The following ING5 variants were observed in gnomAD, a reference collection of about 807,000 sequenced individuals.
ING5 encodes the protein inhibitor of growth protein 5.
In ING5, 17 loss-of-function variants were observed where a neutral mutation model predicts 37.4. That is an observed-to-expected ratio of 0.45 (90% CI 0.31 to 0.68). The LOEUF is 0.68. ING5 is among the 30% of genes least tolerant of loss of function. The pLI, the probability that ING5 is intolerant of heterozygous loss-of-function variation, is 0.05. For missense variants in ING5, 233 were observed against 311.9 expected (o/e 0.75, Z 1.91); for synonymous variants, 123 against 116.6 (o/e 1.06, Z -0.36).
At chr2:241,724,545 T>G in intron 7 of ING5, 1 of 184,122 alleles carries the variant, frequency 5.4e-6, no homozygotes, top group Non-Finnish European at 1.1e-5. Flanking sequence ...TTGCTCAGAG[T>G]CACCAGGGAG....
upstream of ING5, among the ~76,000 whole-genome samples, chr2:241,700,059 T>C (rs79708335): frequency 9.3e-5 from 14 of 149,874 alleles, no homozygotes; most frequent in African/African-American, 3.0e-4. Context: ...CTCGGCTCAC[T>C]GCAACCTCCA....
chr2:241,718,725 G>C (rs1049141387), intron 5 of ING5, among the ~76,000 whole-genome samples: 4 of 152,072 alleles, frequency 2.6e-5, no homozygotes, highest in Admixed American at 6.5e-5. Context: ...CCCTAAGTTA[G>C]TTTTAATCTC....
chr2:241,697,622 C>T (rs2069649780), upstream of ING5, among the ~76,000 whole-genome samples: 2 of 152,014 alleles, frequency 1.3e-5, no homozygotes, highest in Admixed American at 6.6e-5. Context: ...ACATGACATT[C>T]TGGAAAAAGC....
intron 2 of ING5, among the ~76,000 whole-genome samples, chr2:241,695,043 T>TG (rs1364553677): frequency 6.8e-6 from 1 of 146,586 alleles, no homozygotes; most frequent in African/African-American, 2.6e-5. Context: ...GGTAAGACAA[T>TG]GTGGTATTCT....
intron 5 of ING5, chr2:241,720,650 C>T (rs989771675): frequency 1.7e-5 from 17 of 985,488 alleles, no homozygotes; most frequent in African/African-American, 1.7e-5. Flanking sequence ...GGGAAGCCAT[C>T]GGGGCCGGGC....
upstream of ING5, among the ~76,000 whole-genome samples, chr2:241,700,673 C>T (rs1223872357): frequency 6.6e-6 from 1 of 152,102 alleles, no homozygotes; most frequent in Non-Finnish European, 1.5e-5. Context: ...GTCACCCAAG[C>T]TGCAGTGCAG....
intron 5 of ING5, among the ~76,000 whole-genome samples, chr2:241,716,696 A>C (rs1039969825): frequency 4.6e-5 from 7 of 152,192 alleles, no homozygotes; most frequent in African/African-American, 1.7e-4. Context: ...GTGGCTCCAC[A>C]CAAGTGTTCT....
chr2:241,718,441 C>T (rs1285955639), intron 5 of ING5, among the ~76,000 whole-genome samples: 4 of 107,988 alleles, frequency 3.7e-5, no homozygotes, highest in Non-Finnish European at 7.1e-5. Context: ...TTTTTTGAGA[C>T]GGTCTTGCTT....
intron 5 of ING5, among the ~76,000 whole-genome samples, chr2:241,714,621 A>AGGGTCT (rs1427554894): frequency 1.5e-4 from 22 of 149,634 alleles, no homozygotes; most frequent in African/African-American, 5.4e-4. Flanking sequence ...CCCTGAGGGC[A>AGGGTCT]GGGTCTAGCT....
At chr2:241,700,668 C>T (rs567145996), upstream of ING5, among the ~76,000 whole-genome samples, 1 of 152,210 alleles carries the variant, frequency 6.6e-6, no homozygotes, top group African/African-American at 2.4e-5. Flanking sequence ...CTCTTGTCAC[C>T]CAAGCTGCAG....
chr2:241,719,379 C>T (rs1389308006), intron 5 of ING5: 2 of 686,770 alleles, frequency 2.9e-6, no homozygotes, highest in Admixed American at 2.1e-5. Flanking sequence ...CCAACACCCC[C>T]CACTCTGGCT....
rs1022802101 is a variant in ING5 at position 241,715,206 on chromosome 2, G to GT, written c.482+3141dup. On this transcript the variant is annotated intron_variant, in intron 5 of 7. Transcript: ENST00000313552. ...TAAAATATTTTAGAATGTTTTTCTT[G>GT]TTTTTTGAGATGAGGTCTCACTCTG... Among the ~76,000 whole-genome samples, 11 of 151,672 alleles carry GT rather than the reference G, an allele frequency of 7.3e-5. No homozygotes were observed. The Middle Eastern group carries it at 0.017, about 234-fold the overall frequency.
intron 5 of ING5, chr2:241,722,264 G>A (rs2070452475): frequency 2.0e-6 from 2 of 985,326 alleles, no homozygotes; most frequent in South Asian, 4.7e-5. Flanking sequence ...GAGGTGACGT[G>A]TGCTTGTTTC....
intron 5 of ING5, chr2:241,719,374 A>AC: frequency 1.6e-6 from 1 of 637,594 alleles, no homozygotes; most frequent in South Asian, 1.7e-5. Flanking sequence ...ACCCCCCAAC[A>AC]CCCCCCACTC....
chr2:241,706,127 A>C (rs907880649), intron 2 of ING5, among the ~76,000 whole-genome samples: 4 of 152,096 alleles, frequency 2.6e-5, no homozygotes, highest in African/African-American at 9.7e-5. Context: ...TTCTTTCCGC[A>C]GAGCCCTCTG....
intron 5 of ING5, chr2:241,719,689 G>C: frequency 1.3e-6 from 2 of 1,522,564 alleles, no homozygotes; most frequent in Non-Finnish European, 1.8e-6. Flanking sequence ...TGTTGGGGTC[G>C]GGGCTTCCTC....
chr2:241,696,187 C>T (rs147258913), intron 2 of ING5, among the ~76,000 whole-genome samples: 55 of 151,854 alleles, frequency 3.6e-4, no homozygotes, highest in African/African-American at 7.5e-4. Flanking sequence ...GTGAGGAGTT[C>T]GAGACCAGCC....
At chr2:241,702,209 C>A (rs2069754098) in intron 1 of ING5, 107 bp downstream of exon 1, 1 of 435,522 alleles carries the variant, frequency 2.3e-6, no homozygotes, top group Non-Finnish European at 3.0e-6. Flanking sequence ...CTCGGGAGGG[C>A]GGCGGGCGCG....
chr2:241,719,054 C>A (rs2070356471), intron 5 of ING5, among the ~76,000 whole-genome samples: 1 of 152,198 alleles, frequency 6.6e-6, no homozygotes, highest in Admixed American at 6.5e-5. Flanking sequence ...TGGGGCGGGG[C>A]AGGGTCTCAG....
Sources: gnomAD v4.1 joint callset for allele counts (sites outside exome capture counted in the v4.1 genomes callset) on GRCh38, gnomAD v4.1.1 for gene constraint, MANE v1.5 for transcripts, NCBI Gene and HGNC (gene_info 2026-07-23, HGNC 2026-07-21) for gene names.